Variants in RAB3C observed in about 807,000 individuals in gnomAD.
The protein encoded by RAB3C is ras-related protein Rab-3C.
In RAB3C, 17 loss-of-function variants were observed where a neutral mutation model predicts 26.4. The ratio of observed to expected loss-of-function variants is 0.64; its 90% CI spans 0.44 to 0.97. The LOEUF is 0.97. Among genes scored for constraint, RAB3C ranks in the 50% least tolerant of loss-of-function variants. The pLI, the probability that RAB3C is intolerant of heterozygous loss-of-function variation, is 0.00. For synonymous variants in RAB3C, 91 were observed against 95.9 expected (o/e 0.95, Z 0.30); for missense variants, 242 against 281.9 (o/e 0.86, Z 1.01).
intron 3 of RAB3C, among the ~76,000 whole-genome samples, chr5:58,781,995 G>T (rs1430953289): frequency 6.6e-6 from 1 of 151,834 alleles, no homozygotes; most frequent in Non-Finnish European, 1.5e-5. Context: ...AAAAATTTTT[G>T]TAATACTTTT....
intron 1 of RAB3C, 55 bp from the exon 2 acceptor site, chr5:58,617,588 A>G: frequency 2.3e-6 from 3 of 1,314,548 alleles, no homozygotes; most frequent in Non-Finnish European, 3.3e-6. Context: ...TTCATATCAA[A>G]TGAGAGTCTG....
intron 1 of RAB3C, among the ~76,000 whole-genome samples, chr5:58,617,074 G>A (rs377394304): frequency 3.9e-5 from 6 of 151,940 alleles, no homozygotes; most frequent in South Asian, 2.1e-4. Flanking sequence ...GTTAGTATCC[G>A]GCACATTGTT....
chr5:58,813,411 T>C (rs1224501527), intron 3 of RAB3C, among the ~76,000 whole-genome samples: 1 of 151,880 alleles, frequency 6.6e-6, no homozygotes. Context: ...CTGCCTTTCA[T>C]GCCAGGAGTG....
chr5:58,824,778 G>C (rs1743435818), intron 3 of RAB3C, among the ~76,000 whole-genome samples: 1 of 152,188 alleles, frequency 6.6e-6, no homozygotes, highest in Non-Finnish European at 1.5e-5. Context: ...GGAAGAATCA[G>C]TAGTGGTATT....
At chr5:58,845,419 C>A (rs1043893230) in intron 4 of RAB3C, among the ~76,000 whole-genome samples, 1 of 151,498 alleles carries the variant, frequency 6.6e-6, no homozygotes, top group East Asian at 1.9e-4. Flanking sequence ...GAGACCAGAG[C>A]AAAAAGGATT....
Position 58,617,665 on chromosome 5 carries a change from G to C in RAB3C, c.47G>C (p.Arg16Thr). The C allele has an allele frequency of 6.2e-7, 1 of 1,613,446 alleles. No individual in the cohort carries two copies. Among genetic ancestry groups the C allele is most frequent in the Non-Finnish European group, 8.5e-7 (1 of 1,179,496 alleles). ...CAGATGGCCTCTGCCCAAGATGCCA[G>C]GTACGGCCAGAAAGACTCCTCTGAT... ...PMQMASAQDA[R>T]YGQKDSSDQN... The change falls in exon 2 of 5, where the codon AGG becomes ACG. Residue 16 changes from arginine (R) to threonine (T), a missense_variant. By Grantham distance (71) the Arg-to-Thr change is moderately conservative. Coordinates refer to ENST00000282878, the MANE Select transcript of RAB3C (RefSeq NM_138453.4).
At chr5:58,746,270 T>C (rs1741400884) in intron 3 of RAB3C, among the ~76,000 whole-genome samples, 1 of 152,194 alleles carries the variant, frequency 6.6e-6, no homozygotes, top group Non-Finnish European at 1.5e-5. Flanking sequence ...GTAACTAGTC[T>C]GTGAGGGAGC....
chr5:58,612,486 A>AGG (rs1227898615), intron 1 of RAB3C, among the ~76,000 whole-genome samples: 71 of 86,162 alleles, frequency 8.2e-4, no homozygotes, highest in Middle Eastern at 5.3e-3. Flanking sequence ...CTGTGTTCCT[A>AGG]GGTGTGTGTG....
chr5:58,848,173 C>T (rs1744044767), intron 4 of RAB3C, among the ~76,000 whole-genome samples: 1 of 152,112 alleles, frequency 6.6e-6, no homozygotes, highest in African/African-American at 2.4e-5. Context: ...ATTTTTATAT[C>T]TATAAATCTA....
chr5:58,609,542 C>T (rs972413545), intron 1 of RAB3C, among the ~76,000 whole-genome samples: 1 of 152,060 alleles, frequency 6.6e-6, no homozygotes, highest in Non-Finnish European at 1.5e-5. Flanking sequence ...TATTATTTAG[C>T]CATATTCCTA....
chr5:58,651,065 C>T (rs900048533), intron 2 of RAB3C, among the ~76,000 whole-genome samples: 1 of 152,174 alleles, frequency 6.6e-6, no homozygotes, highest in African/African-American at 2.4e-5. Flanking sequence ...GTGTCACTGA[C>T]ATGAGAATAT....
chr5:58,765,702 A>T (rs945791534), intron 3 of RAB3C, among the ~76,000 whole-genome samples: 1 of 152,212 alleles, frequency 6.6e-6, no homozygotes, highest in African/African-American at 2.4e-5. Context: ...CACTGTGTGG[A>T]TGCATCATCC....
chr5:58,672,571 C>A (rs955875681), intron 2 of RAB3C, among the ~76,000 whole-genome samples: 2 of 152,086 alleles, frequency 1.3e-5, no homozygotes, highest in African/African-American at 4.8e-5. Context: ...TGTCGTGTAT[C>A]ATTCTAATTC....
intron 3 of RAB3C, among the ~76,000 whole-genome samples, chr5:58,775,318 G>T (rs538615425): frequency 6.6e-6 from 1 of 152,204 alleles, no homozygotes; most frequent in Admixed American, 6.5e-5. Context: ...TTCAGTATCT[G>T]AGGCTCCTTT....
At chr5:58,716,237 A>G (rs1749171033) in intron 2 of RAB3C, among the ~76,000 whole-genome samples, 1 of 152,106 alleles carries the variant, frequency 6.6e-6, no homozygotes, top group Admixed American at 6.6e-5. Flanking sequence ...GTAGAGTCTT[A>G]GCACTGGACA....
intron 2 of RAB3C, among the ~76,000 whole-genome samples, chr5:58,669,295 C>A (rs1268695470): frequency 6.6e-6 from 1 of 152,126 alleles, no homozygotes; most frequent in Non-Finnish European, 1.5e-5. Flanking sequence ...AATGTGGTCA[C>A]ATATGGTATC....
chr5:58,708,349 G>A (rs796573949), intron 2 of RAB3C, among the ~76,000 whole-genome samples: 6 of 152,216 alleles, frequency 3.9e-5, no homozygotes, highest in African/African-American at 1.4e-4. Context: ...TTACACCCTT[G>A]CCCATCTGCC....
At chr5:58,663,167 C>A (rs566326610) in intron 2 of RAB3C, among the ~76,000 whole-genome samples, 1 of 149,616 alleles carries the variant, frequency 6.7e-6, no homozygotes. Flanking sequence ...AGTGAAGAAT[C>A]CAGGCATTCC....
intron 3 of RAB3C, among the ~76,000 whole-genome samples, chr5:58,790,972 TG>T (rs1225596807): frequency 6.6e-6 from 1 of 152,072 alleles, no homozygotes; most frequent in Non-Finnish European, 1.5e-5. Context: ...TCACTCTGTC[TG>T]GTCCTGCTCT....
Sources: allele counts gnomAD v4.1 joint callset (sites outside exome capture counted in the v4.1 genomes callset), GRCh38; gene constraint gnomAD v4.1.1; transcripts MANE v1.5; gene names NCBI Gene and HGNC (gene_info 2026-07-23, HGNC 2026-07-21).